ELMO1: variants seen among roughly 807,000 people sequenced by gnomAD.
ELMO1 encodes the protein engulfment and cell motility protein 1.
A neutral mutation model predicts 98.9 loss-of-function variants in ELMO1; 26 were observed. That is an observed-to-expected ratio of 0.26 (90% CI 0.19 to 0.36). The LOEUF (loss-of-function observed/expected upper bound fraction) is 0.36, where lower values mean the gene tolerates loss of function less well. Ranked by LOEUF, ELMO1 falls within the 10% of genes least tolerant of loss-of-function variation. The pLI is 1.00. For synonymous variants in ELMO1, 346 were observed against 346.0 expected, an observed-to-expected ratio of 1.00 and a Z score of 0.00; for missense variants, 627 against 935.2, an observed-to-expected ratio of 0.67 and a Z score of 4.30.
At chr7:36,899,165 G>A (rs1806290092) in intron 16 of ELMO1, among the ~76,000 whole-genome samples, 3 of 152,220 alleles carry the variant, frequency 2.0e-5, no homozygotes, top group Admixed American at 2.0e-4. Context: ...TGAAAGGCAA[G>A]TTGAGTCAGA....
At chr7:36,937,548 G>C (rs577175282) in intron 16 of ELMO1, among the ~76,000 whole-genome samples, 1 of 152,314 alleles carries the variant, frequency 6.6e-6, no homozygotes, top group South Asian at 2.1e-4. Context: ...CTCATTGGTA[G>C]TACTTTGTTA....
chr7:37,236,963 A>T (rs974191031), intron 7 of ELMO1, among the ~76,000 whole-genome samples: 5 of 152,214 alleles, frequency 3.3e-5, no homozygotes, highest in African/African-American at 1.2e-4. Context: ...AAGCAACCAC[A>T]TGGCACATCC....
At chr7:37,076,521 G>A (rs1035533631) in intron 15 of ELMO1, among the ~76,000 whole-genome samples, 2 of 152,186 alleles carry the variant, frequency 1.3e-5, no homozygotes, top group Admixed American at 1.3e-4. Context: ...AGGTTAGATT[G>A]ATCTTGTTTG....
At chr7:37,020,325 T>A (rs757214131) in intron 15 of ELMO1, among the ~76,000 whole-genome samples, 6 of 152,218 alleles carry the variant, frequency 3.9e-5, no homozygotes, top group Non-Finnish European at 7.3e-5. Context: ...GAACTTTAGT[T>A]CCCAAACTAC....
chr7:37,307,266 G>A (rs1005941422), intron 4 of ELMO1, among the ~76,000 whole-genome samples: 9 of 152,088 alleles, frequency 5.9e-5, no homozygotes, highest in South Asian at 2.1e-4. Context: ...TAATTCCCAC[G>A]TGCCGATGGG....
chr7:37,038,174 C>A lies in ELMO1; in HGVS notation c.1301-24739G>T, dbSNP rs527576505. Among the ~76,000 whole-genome samples, 38 of 152,284 alleles carry A rather than the reference C, an allele frequency of 2.5e-4. No individual in the cohort carries two copies. The South Asian group carries it at 7.5e-3, about 30-fold the overall frequency. ...CCCGATCCCCTTGACAACAACTTCC[C>A]AGAGCCTCCAGCTCCACCTTCATCC... On this transcript the variant is annotated intron_variant, in intron 15 of 21. Transcript: ENST00000310758.
chr7:36,927,323 G>T (rs1785658950), intron 16 of ELMO1, among the ~76,000 whole-genome samples: 1 of 152,202 alleles, frequency 6.6e-6, no homozygotes, highest in Non-Finnish European at 1.5e-5. Context: ...TAGTACTGGA[G>T]ATTTAGAAAC....
At chr7:37,394,450 A>C (rs190132546) in intron 1 of ELMO1, among the ~76,000 whole-genome samples, 4 of 152,348 alleles carry the variant, frequency 2.6e-5, no homozygotes. Context: ...GATAAGAAAC[A>C]GGAATCTCTG....
chr7:37,115,853 T>C (rs1420419552), intron 14 of ELMO1, among the ~76,000 whole-genome samples: 1 of 152,146 alleles, frequency 6.6e-6, no homozygotes, highest in East Asian at 1.9e-4. Context: ...AAGGAATTAA[T>C]ACATAAAATC....
intron 1 of ELMO1, among the ~76,000 whole-genome samples, chr7:37,358,275 T>G (rs1801569097): frequency 6.6e-6 from 1 of 152,214 alleles, no homozygotes; most frequent in Non-Finnish European, 1.5e-5. Context: ...ACTGATAATT[T>G]CAAATGCTTT....
intron 15 of ELMO1, among the ~76,000 whole-genome samples, chr7:37,032,893 G>A (rs1794955130): frequency 6.6e-6 from 1 of 152,186 alleles, no homozygotes; most frequent in South Asian, 2.1e-4. Context: ...AGTAAGGACA[G>A]GTCAAGTGTC....
intron 13 of ELMO1, among the ~76,000 whole-genome samples, chr7:37,208,902 A>G (rs1305820583): frequency 6.6e-6 from 1 of 150,688 alleles, no homozygotes; most frequent in African/African-American, 2.4e-5. Flanking sequence ...GAAAACCAAC[A>G]CTCTCTTATG....
At chr7:37,303,577 T>C (rs1188633605) in intron 4 of ELMO1, among the ~76,000 whole-genome samples, 1 of 152,204 alleles carries the variant, frequency 6.6e-6, no homozygotes, top group Non-Finnish European at 1.5e-5. Context: ...GTAATCTTCT[T>C]TACTAATAAT....
intron 16 of ELMO1, among the ~76,000 whole-genome samples, chr7:37,002,604 T>A (rs1301482515): frequency 6.6e-6 from 1 of 152,216 alleles, no homozygotes; most frequent in Non-Finnish European, 1.5e-5. Context: ...AACCATCCTG[T>A]CTTGCTCACC....
intron 16 of ELMO1, among the ~76,000 whole-genome samples, chr7:37,010,560 A>T (rs1793473307): frequency 6.6e-6 from 1 of 152,214 alleles, no homozygotes; most frequent in South Asian, 2.1e-4. Context: ...CTGGCTTTGA[A>T]GATGGACAAG....
At chr7:37,051,140 A>G (rs1796090821) in intron 15 of ELMO1, among the ~76,000 whole-genome samples, 1 of 152,226 alleles carries the variant, frequency 6.6e-6, no homozygotes, top group Non-Finnish European at 1.5e-5. Context: ...GAATAGATAT[A>G]AGTAGCATCA....
intron 6 of ELMO1, among the ~76,000 whole-genome samples, chr7:37,252,580 TC>T (rs1484061195): frequency 1.6e-4 from 24 of 152,000 alleles, no homozygotes; most frequent in African/African-American, 5.8e-4. Flanking sequence ...ACAAATTAAC[TC>T]AAGATGGATT....
intron 2 of ELMO1, among the ~76,000 whole-genome samples, 160 bp from the exon 3 acceptor site, chr7:37,316,120 A>G (rs1270969966): frequency 6.6e-6 from 1 of 152,234 alleles, no homozygotes. Flanking sequence ...CAAGGTAACA[A>G]TCTACCAGCT....
At chr7:37,243,113 T>C (rs1361730096) in intron 7 of ELMO1, among the ~76,000 whole-genome samples, 2 of 152,218 alleles carry the variant, frequency 1.3e-5, no homozygotes, top group African/African-American at 4.8e-5. Flanking sequence ...GCCTTGACTA[T>C]TCATTTCTGT....
Sources: gnomAD v4.1 joint callset for allele counts (sites outside exome capture counted in the v4.1 genomes callset) on GRCh38, gnomAD v4.1.1 for gene constraint, MANE v1.5 for transcripts, NCBI Gene and HGNC (gene_info 2026-07-23, HGNC 2026-07-21) for gene names.